The following DOK5 variants were observed in gnomAD, a reference collection of about 807,000 sequenced individuals.
DOK5 encodes the protein docking protein 5.
DOK5 carries 27 observed loss-of-function variants against 43.3 expected under a neutral mutation model. The ratio of observed to expected loss-of-function variants is 0.62; its 90% confidence interval spans 0.46 to 0.86. DOK5 has a LOEUF of 0.86. Among genes scored for constraint, DOK5 ranks in the 40% least tolerant of loss-of-function variants. DOK5 has a pLI of 0.00. For missense variants in DOK5, 373 were observed against 392.9 expected (o/e 0.95, Z 0.43); for synonymous variants, 146 against 140.1 (o/e 1.04, Z -0.30).
chr20:54,512,828 G>C (rs1188275402), intron 1 of DOK5, among the ~76,000 whole-genome samples: 1 of 151,462 alleles, frequency 6.6e-6, no homozygotes, highest in Non-Finnish European at 1.5e-5. Context: ...TGGAAGAAGG[G>C]TGCAAAGAGT....
chr20:54,616,276 CTG>C (rs1328757171), intron 6 of DOK5, among the ~76,000 whole-genome samples: 1 of 152,190 alleles, frequency 6.6e-6, no homozygotes, highest in Non-Finnish European at 1.5e-5. Context: ...CTGCCTTACA[CTG>C]TATCTTTGAA....
At chr20:54,626,385 G>A (rs536953567) in intron 6 of DOK5, among the ~76,000 whole-genome samples, 9 of 152,300 alleles carry the variant, frequency 5.9e-5, no homozygotes, top group Non-Finnish European at 1.3e-4. Context: ...GAGAGTCTGC[G>A]TGCTTTATTT....
chr20:54,590,123 T>C (rs983493775), intron 4 of DOK5, among the ~76,000 whole-genome samples: 2 of 152,184 alleles, frequency 1.3e-5, no homozygotes, highest in African/African-American at 4.8e-5. Flanking sequence ...GGAAGCAGTA[T>C]CCTGACAGCA....
intron 1 of DOK5, among the ~76,000 whole-genome samples, chr20:54,505,414 A>G (rs752484168): frequency 2.2e-4 from 34 of 152,120 alleles, no homozygotes; most frequent in Middle Eastern, 3.4e-3. Flanking sequence ...AAGTTAGCTG[A>G]CCCCTGGATT....
At chr20:54,563,071 A>G (rs1184246534) in intron 2 of DOK5, among the ~76,000 whole-genome samples, 1 of 152,180 alleles carries the variant, frequency 6.6e-6, no homozygotes, top group African/African-American at 2.4e-5. Flanking sequence ...GAGTGATACA[A>G]TTAAAAGCCA....
At chr20:54,567,552 C>G (rs1985138617) in intron 2 of DOK5, among the ~76,000 whole-genome samples, 1 of 152,120 alleles carries the variant, frequency 6.6e-6, no homozygotes, top group African/African-American at 2.4e-5. Context: ...ATATCTGTTT[C>G]TCTGCCAATA....
At position 54,521,553 on chromosome 20, in the gene DOK5, G is replaced by GT. The variant is rs548168840; in HGVS notation, c.67-33379dup. ...ATAAAAGAAATGTATATGGTATGGG[G>GT]TGTGATGTGAGGAGCTTCTGTGTCC... On this transcript the variant is annotated intron_variant, in intron 1 of 7. Coordinates refer to ENST00000262593, the MANE Select transcript of DOK5 (RefSeq NM_018431.5). 4.4e-3 allele frequency among the ~76,000 whole-genome samples: 674 copies of GT among 152,302 alleles called. 1 individual carries two copies. The highest frequency in any genetic ancestry group is 7.3e-3 in the Non-Finnish European group (499 of 68,028).
At chr20:54,583,973 C>T (rs933272158) in intron 2 of DOK5, among the ~76,000 whole-genome samples, 10 of 144,890 alleles carry the variant, frequency 6.9e-5, no homozygotes, top group Non-Finnish European at 1.5e-5. Context: ...AACCTTGTCT[C>T]TACTAAAAAT....
At chr20:54,534,827 CTTTCTTTCTTT>C (rs1228873633) in intron 1 of DOK5, among the ~76,000 whole-genome samples, 28 of 124,784 alleles carry the variant, frequency 2.2e-4, no homozygotes, top group African/African-American at 1.1e-3. Flanking sequence ...ATGTTTCTTT[CTTTCTTTCTTT>C]CTTTCTTTCT....
chr20:54,497,805 C>T (rs894536081), intron 1 of DOK5, among the ~76,000 whole-genome samples: 3 of 151,764 alleles, frequency 2.0e-5, no homozygotes, highest in Admixed American at 2.0e-4. Flanking sequence ...TATTTTTGTG[C>T]TTTTGTATTT....
At chr20:54,598,626 A>T (rs540036658) in intron 5 of DOK5, among the ~76,000 whole-genome samples, 1 of 152,336 alleles carries the variant, frequency 6.6e-6, no homozygotes, top group African/African-American at 2.4e-5. Flanking sequence ...GAGCCAGAGA[A>T]GCTCAGGTGA....
At chr20:54,617,002 G>A (rs1011652902) in intron 6 of DOK5, among the ~76,000 whole-genome samples, 1 of 152,064 alleles carries the variant, frequency 6.6e-6, no homozygotes, top group African/African-American at 2.4e-5. Flanking sequence ...TTGTTAGCCA[G>A]GATGGTCTCG....
intron 2 of DOK5, among the ~76,000 whole-genome samples, chr20:54,577,609 C>G (rs1985492851): frequency 6.6e-6 from 1 of 152,186 alleles, no homozygotes; most frequent in Non-Finnish European, 1.5e-5. Context: ...GGAAATCAAA[C>G]AGAGGGTGTA....
intron 5 of DOK5, among the ~76,000 whole-genome samples, chr20:54,604,683 A>G (rs948463043): frequency 3.3e-5 from 5 of 152,098 alleles, no homozygotes; most frequent in African/African-American, 1.2e-4. Flanking sequence ...TGGCAGGGGT[A>G]GGGAAAAAGA....
At chr20:54,507,311 G>C (rs1309785031) in intron 1 of DOK5, among the ~76,000 whole-genome samples, 1 of 152,014 alleles carries the variant, frequency 6.6e-6, no homozygotes, top group Non-Finnish European at 1.5e-5. Flanking sequence ...ATAATTAGAG[G>C]CCACATGTGA....
At chr20:54,518,637 C>T (rs1983285387) in intron 1 of DOK5, among the ~76,000 whole-genome samples, 1 of 152,116 alleles carries the variant, frequency 6.6e-6, no homozygotes, top group Non-Finnish European at 1.5e-5. Context: ...TGGGTATATA[C>T]CCAATAATGG....
rs540257130 is a variant in DOK5 at position 54,493,363 on chromosome 20, CTT to C, written c.66+17353_66+17354del. Reference sequence around the variant, plus strand: ...GTTCCTCCAGTAGGCACGCGCTTTCCTTTGTCACCATCCTTATATGTGCTCTT... The same window carrying C: ...GTTCCTCCAGTAGGCACGCGCTTTCCTGTCACCATCCTTATATGTGCTCTT... On this transcript the variant is annotated intron_variant, in intron 1 of 7. Coordinates refer to ENST00000262593, the MANE Select transcript of DOK5 (RefSeq NM_018431.5). Among the ~76,000 whole-genome samples the C allele has an allele frequency of 7.5e-4, 114 of 152,232 alleles. 1 individual carries two copies. The highest frequency in any genetic ancestry group is 3.5e-3 in the South Asian group (17 of 4,828).
chr20:54,634,927 C>G (rs1448468762), intron 6 of DOK5, among the ~76,000 whole-genome samples: 1 of 152,028 alleles, frequency 6.6e-6, no homozygotes, highest in African/African-American at 2.4e-5. Context: ...AAGAAGAAAC[C>G]CCACCTCCTT....
intron 1 of DOK5, among the ~76,000 whole-genome samples, chr20:54,543,922 A>T (rs1039561130): frequency 6.6e-6 from 1 of 152,114 alleles, no homozygotes; most frequent in Non-Finnish European, 1.5e-5. Context: ...CTATTCCCAT[A>T]CCTGTGCATA....
Sources: gnomAD v4.1 joint callset for allele counts (sites outside exome capture counted in the v4.1 genomes callset) on GRCh38, gnomAD v4.1.1 for gene constraint, MANE v1.5 for transcripts, NCBI Gene and HGNC (gene_info 2026-07-23, HGNC 2026-07-21) for gene names.